SHTN1: variants seen among roughly 807,000 people sequenced by gnomAD.
SHTN1 encodes the protein shootin-1.
SHTN1 carries 42 observed loss-of-function variants against 83.1 expected under a neutral mutation model. That is an observed-to-expected ratio of 0.51 (90% CI 0.39 to 0.65). The LOEUF (loss-of-function observed/expected upper bound fraction) is 0.65, where lower values mean the gene tolerates loss of function less well. SHTN1 is among the 30% of genes least tolerant of loss of function. The pLI is 0.00. For synonymous variants in SHTN1, 224 were observed against 247.7 expected, an observed-to-expected ratio of 0.90 and a Z score of 0.90; for missense variants, 622 against 737.8, an observed-to-expected ratio of 0.84 and a Z score of 1.82.
intron 1 of SHTN1, among the ~76,000 whole-genome samples, chr10:117,004,075 T>C (rs7901788): frequency 0.3 from 45,943 of 151,614 alleles, 7,242 homozygotes; most frequent in East Asian, 0.51. Context: ...TTAGTAGAGA[T>C]AGGGGTTCTC....
intron 9 of SHTN1, among the ~76,000 whole-genome samples, chr10:116,936,784 T>TG (rs1319016005): frequency 6.6e-6 from 1 of 152,172 alleles, no homozygotes; most frequent in Non-Finnish European, 1.5e-5. Context: ...CCACTATTAT[T>TG]GTGTGGGAGT....
At chr10:117,019,271 C>T (rs1051426824) in intron 2 of SHTN1, among the ~76,000 whole-genome samples, 1 of 151,868 alleles carries the variant, frequency 6.6e-6, no homozygotes, top group African/African-American at 2.4e-5. Flanking sequence ...GCAGCCTCAA[C>T]CTCCTGGGCT....
chr10:117,117,520 CACAG>C (rs1387431733), intron 1 of SHTN1, among the ~76,000 whole-genome samples: 15 of 152,136 alleles, frequency 9.9e-5, no homozygotes, highest in Admixed American at 2.0e-4. Context: ...TGACATTCTT[CACAG>C]ACATAGAAAA....
chr10:116,901,707 CAA>C, intron 16 of SHTN1, 56 bp downstream of exon 16: 1 of 1,431,222 alleles, frequency 7.0e-7, no homozygotes, highest in Non-Finnish European at 9.1e-7. Flanking sequence ...AAGAAACACA[CAA>C]GTTAGTCATT....
intron 1 of SHTN1, among the ~76,000 whole-genome samples, chr10:116,991,165 G>T (rs1310869278): frequency 6.6e-6 from 1 of 151,714 alleles, no homozygotes; most frequent in Middle Eastern, 3.4e-3. Context: ...CAGCCTGGGC[G>T]ACAGAGCAAG....
At chr10:116,967,588 A>C (rs759783882) in intron 3 of SHTN1, among the ~76,000 whole-genome samples, 5 of 152,048 alleles carry the variant, frequency 3.3e-5, no homozygotes, top group Non-Finnish European at 7.4e-5. Context: ...TGCCCTCTTT[A>C]TTTACTTATT....
chr10:117,010,945 A>G (rs1024436702), intron 2 of SHTN1, among the ~76,000 whole-genome samples: 11 of 152,228 alleles, frequency 7.2e-5, no homozygotes, highest in Admixed American at 3.9e-4. Flanking sequence ...GGGCATCTGT[A>G]AAGAAGCCAC....
At chr10:117,106,455 AAAAT>A (rs1420996270) in intron 1 of SHTN1, among the ~76,000 whole-genome samples, 5 of 152,222 alleles carry the variant, frequency 3.3e-5, no homozygotes, top group Non-Finnish European at 7.3e-5. Flanking sequence ...ACTTTGTCTC[AAAAT>A]AAATAAATAA....
chr10:116,948,528 T>C (rs1223824068), intron 7 of SHTN1, among the ~76,000 whole-genome samples: 1 of 152,210 alleles, frequency 6.6e-6, no homozygotes, highest in East Asian at 1.9e-4. Context: ...TAAAATTTCA[T>C]CACATAATGT....
In SHTN1 at chr10:117,002,037, G is replaced by A. The variant is rs1027904629; in HGVS notation, c.58+2985C>T. 9.0e-4 allele frequency among the ~76,000 whole-genome samples: 137 copies of A among 152,260 alleles called. 1 individual carries two copies. Among genetic ancestry groups the A allele is most frequent in the Non-Finnish European group, 4.0e-4 (27 of 68,006 alleles). The stretch of plus-strand genomic sequence containing the variant: ...TTGGCAAAAATTCAAAAACTTGTCA[G>A]GCCATCAAATGAATAAAGATTGCTA... On this transcript the variant is annotated intron_variant, in intron 1 of 16. Transcript: ENST00000355371.
chr10:116,957,223 C>T (rs1850015929), intron 4 of SHTN1, among the ~76,000 whole-genome samples: 1 of 151,598 alleles, frequency 6.6e-6, no homozygotes, highest in Non-Finnish European at 1.5e-5. Context: ...GTTTGGAACC[C>T]CTCTATGTCT....
intron 2 of SHTN1, among the ~76,000 whole-genome samples, chr10:117,043,634 A>T (rs1157482722): frequency 6.6e-6 from 1 of 152,108 alleles, no homozygotes; most frequent in Non-Finnish European, 1.5e-5. Context: ...TGAGCCCAGG[A>T]GTTTGAGACC....
intron 1 of SHTN1, among the ~76,000 whole-genome samples, chr10:117,095,239 C>T (rs1176399642): frequency 1.3e-5 from 2 of 152,322 alleles, no homozygotes; most frequent in East Asian, 3.9e-4. Context: ...CCATTTCCCA[C>T]ACACCTGCAT....
chr10:116,945,034 G>GA lies in SHTN1; in HGVS notation c.617-17dup, dbSNP rs575881151. The stretch of plus-strand genomic sequence containing the variant: ...AACATGGACACTTAAGAAGATAAAG[G>GA]AAAAAAAAAACCCAGACAATAAGTC... On this transcript the variant is annotated splice_polypyrimidine_tract_variant and intron_variant, in intron 7 of 16. Transcript: ENST00000355371. 0.012 allele frequency: 15,212 copies of GA among 1,275,398 alleles called. 18 individuals carry two copies. The highest frequency in any genetic ancestry group is 0.029 in the South Asian group (1,999 of 68,060). The allele number at this position is 1,275,398 out of a possible 1,614,324, so 79.0% of individuals were successfully genotyped here.
At chr10:117,009,223 TAAA>T (rs1852065858), upstream of SHTN1, among the ~76,000 whole-genome samples, 1 of 151,956 alleles carries the variant, frequency 6.6e-6, no homozygotes, top group Admixed American at 6.6e-5. Context: ...AAACTAAGTA[TAAA>T]ATAAGGCAAT....
chr10:117,017,511 A>T (rs1852197234), intron 2 of SHTN1, among the ~76,000 whole-genome samples: 1 of 151,258 alleles, frequency 6.6e-6, no homozygotes, highest in African/African-American at 2.4e-5. Flanking sequence ...AAAAAAATTA[A>T]ATAAAATAAC....
In SHTN1 at chr10:117,100,152, G is replaced by A. The variant is rs1853568846; in HGVS notation, c.-189+26155C>T. ...AGATAGCGCCATTGCACTCCAGCCT[G>A]GGCAACAACAGCGAAACTCCGTCTC... On this transcript the variant is annotated intron_variant, in intron 1 of 17. Coordinates refer to the SHTN1 transcript ENST00000392901. Among the ~76,000 whole-genome samples the A allele has an allele frequency of 2.6e-5, 4 of 152,072 alleles. No individual in the cohort carries two copies. In the South Asian group the frequency reaches 6.2e-4, roughly 24 times the overall value.
At chr10:116,996,413 G>A (rs904438151) in intron 1 of SHTN1, among the ~76,000 whole-genome samples, 6 of 152,128 alleles carry the variant, frequency 3.9e-5, no homozygotes, top group Non-Finnish European at 7.4e-5. Flanking sequence ...AGCTAAAGCT[G>A]GACAACTTGA....
rs767475544 is a variant in SHTN1, at chr10:116,906,696, C to T, written c.1411G>A (p.Glu471Lys). 3.7e-6 allele frequency: 6 copies of T among 1,613,448 alleles called. No individual in the cohort carries two copies. The South Asian group carries it at 6.6e-5, about 18-fold the overall frequency. The change falls in exon 15 of 17, where the codon GAA (glutamate) becomes AAA (lysine). Residue 471 changes from glutamate (E) to lysine (K), a missense_variant. Physicochemically the swap from Glu to Lys is moderately conservative, Grantham distance 56 (BLOSUM62 1). This residue lies in a region of SHTN1 where 231 missense variants were observed against 251.6 expected (regional missense o/e 0.92). Transcript: ENST00000355371. ...SSRSLKSLDP[E>K]NSETELERIL... is the part of the protein sequence containing the mutation. ...CTTTCTAACTCAGTTTCACTGTTTT[C>T]AGGGTCAAGGGATTTTAAGCTTCTT...
Sources: gnomAD v4.1 joint callset for allele counts (sites outside exome capture counted in the v4.1 genomes callset) on GRCh38, gnomAD v4.1.1 for gene constraint, gnomAD v4.1.1 regional missense constraint, MANE v1.5 for transcripts, NCBI Gene and HGNC (gene_info 2026-07-23, HGNC 2026-07-21) for gene names.